KANK1: variants seen among roughly 807,000 people sequenced by gnomAD.
KANK1 encodes the protein KN motif and ankyrin repeat domains 1.
A neutral mutation model predicts 106.2 loss-of-function variants in KANK1; 109 were observed. That is an observed-to-expected ratio of 1.03 (90% CI 0.88 to 1.20). The LOEUF (loss-of-function observed/expected upper bound fraction) is 1.20, where lower values mean the gene tolerates loss of function less well. Ranked by LOEUF, KANK1 falls within the 50% of genes most tolerant of loss-of-function variation. The probability of loss-of-function intolerance (pLI) is 0.00; values close to 1 mark genes in which losing one functional copy is unlikely to be tolerated. For synonymous variants in KANK1, 873 were observed against 652.2 expected, an observed-to-expected ratio of 1.34 and a Z score of -5.16; for missense variants, 2,399 against 1,710.7, an observed-to-expected ratio of 1.40 and a Z score of -7.10.
chr9:623,606 A>G (rs1254711763), intron 1 of KANK1, among the ~76,000 whole-genome samples: 1 of 150,132 alleles, frequency 6.7e-6, no homozygotes, highest in Non-Finnish European at 1.5e-5. Flanking sequence ...TTGTGTCTCA[A>G]AAAAAAAAAA....
chr9:602,646 C>G (rs962372521), intron 1 of KANK1, among the ~76,000 whole-genome samples: 1 of 151,766 alleles, frequency 6.6e-6, no homozygotes, highest in African/African-American at 2.4e-5. Context: ...ATTCATCATC[C>G]TATAATAAAG....
At chr9:607,594 C>G (rs1229342480) in intron 1 of KANK1, among the ~76,000 whole-genome samples, 1 of 151,596 alleles carries the variant, frequency 6.6e-6, no homozygotes, top group Non-Finnish European at 1.5e-5. Context: ...CTGCTCCTGC[C>G]CAAGTCCAGG....
Position 744,582 on chromosome 9 carries a change from A to G in KANK1, c.3989A>G (p.Gln1330Arg). The change falls in exon 11 of 12, where the codon CAG becomes CGG. Residue 1330 changes from glutamine (Q) to arginine (R), a missense_variant. Coordinates refer to ENST00000382297, the MANE Select transcript of KANK1 (RefSeq NM_015158.5). ...GCCCATGTCAACTTTGCAAAAGCCC[A>G]GTCTCCGGTCAGTGTTGTGCATTTG... ...LYAHVNFAKA[Q>R]SPGTPRLGRK... The G allele has an allele frequency of 6.2e-7, 1 of 1,614,162 alleles. No homozygotes were observed. Among genetic ancestry groups the G allele is most frequent in the Non-Finnish European group, 8.5e-7 (1 of 1,180,018 alleles).
At chr9:682,820 G>A (rs1184777714) in intron 2 of KANK1, among the ~76,000 whole-genome samples, 1 of 152,136 alleles carries the variant, frequency 6.6e-6, no homozygotes, top group Non-Finnish European at 1.5e-5. Context: ...GATCTTAAAT[G>A]AGTACAAAGG....
intron 1 of KANK1, among the ~76,000 whole-genome samples, chr9:534,085 T>G (rs916459663): frequency 3.3e-5 from 5 of 152,200 alleles, no homozygotes; most frequent in African/African-American, 1.2e-4. Context: ...AACCAGTTGT[T>G]TTCAGGTGGA....
chr9:731,154 A>G lies in KANK1; in HGVS notation c.2897-4A>G. On this transcript the variant is annotated splice_polypyrimidine_tract_variant and splice_region_variant and intron_variant, in intron 4 of 11. Transcript: ENST00000382297. Reference sequence around the variant, plus strand: ...TCATTTTTATTGCCTTGACTTTTTCACAGCATGTACAAACAATGAAAGTAC... The same window carrying G: ...TCATTTTTATTGCCTTGACTTTTTCGCAGCATGTACAAACAATGAAAGTAC... 1 of 1,569,992 alleles carries G rather than the reference A, an allele frequency of 6.4e-7. No individual in the cohort carries two copies. The highest frequency in any genetic ancestry group is 1.7e-4 in the Middle Eastern group (1 of 5,952).
chr9:543,495 G>A (rs2060734905), intron 1 of KANK1, among the ~76,000 whole-genome samples: 1 of 150,920 alleles, frequency 6.6e-6, no homozygotes, highest in African/African-American at 2.4e-5. Context: ...GGAAGTGGAG[G>A]TTGCAGTGAA....
At chr9:499,828 C>G (rs1490819404), upstream of KANK1, among the ~76,000 whole-genome samples, 1 of 151,902 alleles carries the variant, frequency 6.6e-6, no homozygotes, top group African/African-American at 2.4e-5. Context: ...AAATGAAGAC[C>G]CAAAGATGCA....
chr9:567,822 A>G (rs185323760), intron 1 of KANK1, among the ~76,000 whole-genome samples: 11 of 152,310 alleles, frequency 7.2e-5, no homozygotes, highest in Admixed American at 7.2e-4. Flanking sequence ...AGAGTCTCTC[A>G]TTTGAGTACG....
At chr9:522,970 T>C (rs1333994503) in intron 1 of KANK1, among the ~76,000 whole-genome samples, 3 of 151,792 alleles carry the variant, frequency 2.0e-5, no homozygotes, top group Admixed American at 6.6e-5. Flanking sequence ...CTTGTATTGA[T>C]GGATAATGCA....
chr9:492,921 G>C (rs2058400537), intron 3 of KANK1, among the ~76,000 whole-genome samples: 1 of 151,862 alleles, frequency 6.6e-6, no homozygotes, highest in African/African-American at 2.4e-5. Context: ...CTACTCGGGA[G>C]GCTGAGGCAG....
chr9:563,677 C>G (rs1168766779), intron 1 of KANK1, among the ~76,000 whole-genome samples: 1 of 152,090 alleles, frequency 6.6e-6, no homozygotes, highest in East Asian at 1.9e-4. Flanking sequence ...AAATTGAGTC[C>G]AGAATTGTAG....
chr9:657,161 C>T (rs569491848), intron 1 of KANK1, among the ~76,000 whole-genome samples: 62 of 152,294 alleles, frequency 4.1e-4, no homozygotes, highest in African/African-American at 1.4e-3. Context: ...AGCATAGTGT[C>T]TTCAAGTTTC....
intron 1 of KANK1, among the ~76,000 whole-genome samples, chr9:586,301 G>T (rs1030162535): frequency 1.3e-5 from 2 of 152,214 alleles, no homozygotes; most frequent in Admixed American, 1.3e-4. Context: ...ATGGGCCCAG[G>T]CCTATTCAAG....
chr9:580,811 C>T lies in KANK1; in HGVS notation c.-84+76057C>T, dbSNP rs556953249. Among the ~76,000 whole-genome samples the T allele has an allele frequency of 1.3e-4, 20 of 152,314 alleles. No individual in the cohort carries two copies. In the East Asian group the frequency reaches 2.1e-3, roughly 16 times the overall value. ...GGGTAGTCAATGGGATTGGGCGCCG[C>T]GGAGCAGGGGGCGGTGCTCGTTGGG... is the stretch of plus-strand genomic sequence containing the variant. On this transcript the variant is annotated intron_variant, in intron 1 of 11. Coordinates refer to ENST00000382297, the MANE Select transcript of KANK1 (RefSeq NM_015158.5).
chr9:596,805 A>G (rs972865484), intron 1 of KANK1, among the ~76,000 whole-genome samples: 14 of 151,962 alleles, frequency 9.2e-5, no homozygotes, highest in Middle Eastern at 3.4e-3. Flanking sequence ...TATTTAGTAC[A>G]TTCATAATAT....
intron 1 of KANK1, among the ~76,000 whole-genome samples, chr9:626,310 C>T (rs1455795736): frequency 1.3e-5 from 2 of 151,924 alleles, no homozygotes; most frequent in Non-Finnish European, 2.9e-5. Context: ...AAAAAGTTAG[C>T]CAGGCGTGGT....
At chr9:525,263 G>C (rs898251525) in intron 1 of KANK1, among the ~76,000 whole-genome samples, 7 of 151,428 alleles carry the variant, frequency 4.6e-5, no homozygotes, top group South Asian at 2.1e-4. Context: ...CCAAAGTGCT[G>C]GGATTACAGG....
chr9:606,951 A>G (rs1382922642), intron 1 of KANK1, among the ~76,000 whole-genome samples: 1 of 150,484 alleles, frequency 6.6e-6, no homozygotes, highest in Non-Finnish European at 1.5e-5. Flanking sequence ...AGAGGAAACT[A>G]GTGAAGTGTA....
Sources: allele counts gnomAD v4.1 joint callset (sites outside exome capture counted in the v4.1 genomes callset), GRCh38; gene constraint gnomAD v4.1.1; transcripts MANE v1.5; gene names NCBI Gene and HGNC (gene_info 2026-07-23, HGNC 2026-07-21).